The following ANKRD44 variants were observed in gnomAD, a reference collection of about 807,000 sequenced individuals.
ANKRD44 encodes the protein ankyrin repeat domain 44, also known as serine/threonine-protein phosphatase 6 regulatory ankyrin repeat subunit B.
Under a neutral mutation model 116.0 loss-of-function variants are expected in ANKRD44, and 35 were observed. That is an observed-to-expected ratio of 0.30 (90% CI 0.23 to 0.40). The LOEUF (loss-of-function observed/expected upper bound fraction) is 0.40. ANKRD44 is among the 10% of genes least tolerant of loss of function. The probability of loss-of-function intolerance (pLI) is 1.00; values close to 1 mark genes in which losing one functional copy is unlikely to be tolerated. For synonymous variants in ANKRD44, 435 were observed against 461.8 expected, an observed-to-expected ratio of 0.94 and a Z score of 0.74; for missense variants, 1,014 against 1,242.6, an observed-to-expected ratio of 0.82 and a Z score of 2.77.
At chr2:197,007,048 T>C (rs1400483997) in intron 20 of ANKRD44, among the ~76,000 whole-genome samples, 2 of 151,670 alleles carry the variant, frequency 1.3e-5, no homozygotes, top group African/African-American at 4.8e-5. Flanking sequence ...GAGGTTGCAG[T>C]GAGCTGAGAT....
intron 21 of ANKRD44, among the ~76,000 whole-genome samples, chr2:197,005,267 C>T (rs2076181943): frequency 6.6e-6 from 1 of 151,930 alleles, no homozygotes. Context: ...GAATATGAAA[C>T]ACAACAAACA....
chr2:197,234,810 A>G (rs558505569), intron 1 of ANKRD44, among the ~76,000 whole-genome samples: 1 of 152,330 alleles, frequency 6.6e-6, no homozygotes, highest in East Asian at 1.9e-4. Flanking sequence ...AGTTCTTTCC[A>G]GTATCCCCTT....
chr2:197,242,301 T>A (rs2082106238), intron 1 of ANKRD44, among the ~76,000 whole-genome samples: 1 of 152,198 alleles, frequency 6.6e-6, no homozygotes, highest in Admixed American at 6.5e-5. Flanking sequence ...TATTTTATAA[T>A]ATAATGGTAC....
At chr2:196,972,885 T>G (rs1440821323) in intron 21 of ANKRD44, among the ~76,000 whole-genome samples, 2 of 152,236 alleles carry the variant, frequency 1.3e-5, no homozygotes, top group African/African-American at 4.8e-5. Flanking sequence ...TCTTACCAGA[T>G]TTTATCATTC....
chr2:197,257,402 T>C (rs1303542577), intron 1 of ANKRD44, among the ~76,000 whole-genome samples: 1 of 151,310 alleles, frequency 6.6e-6, no homozygotes, highest in East Asian at 1.9e-4. Context: ...ATTAAAAGAA[T>C]CAACAGGCAG....
chr2:197,291,557 C>T (rs2083569892), intron 1 of ANKRD44, among the ~76,000 whole-genome samples: 1 of 152,100 alleles, frequency 6.6e-6, no homozygotes, highest in Admixed American at 6.6e-5. Flanking sequence ...CGGTAATTTA[C>T]AGGCATGAGC....
chr2:196,989,971 A>G, intron 27 of ANKRD44: 2 of 1,039,928 alleles, frequency 1.9e-6, no homozygotes, highest in Non-Finnish European at 2.3e-6. Flanking sequence ...CTGAAATGTT[A>G]TTAGATAAAT....
At chr2:196,984,522 A>G (rs1260362788), downstream of ANKRD44, among the ~76,000 whole-genome samples, 2 of 152,188 alleles carry the variant, frequency 1.3e-5, no homozygotes, top group Non-Finnish European at 2.9e-5. Flanking sequence ...TTTGCAAACT[A>G]ATTCTGGAAC....
intron 1 of ANKRD44, among the ~76,000 whole-genome samples, chr2:197,229,396 T>C (rs2081801693): frequency 6.6e-6 from 1 of 152,200 alleles, no homozygotes; most frequent in South Asian, 2.1e-4. Context: ...TGATATACTT[T>C]CATACATGTT....
intron 22 of ANKRD44, among the ~76,000 whole-genome samples, chr2:197,000,897 G>T (rs538741853): frequency 1.3e-5 from 2 of 152,308 alleles, no homozygotes; most frequent in African/African-American, 4.8e-5. Context: ...AATTAGCCAG[G>T]CGTGGTGGCG....
chr2:197,242,912 C>A (rs2082119585), intron 1 of ANKRD44, among the ~76,000 whole-genome samples: 1 of 152,204 alleles, frequency 6.6e-6, no homozygotes, highest in Non-Finnish European at 1.5e-5. Flanking sequence ...TAACCACAAC[C>A]AGATGTAAGG....
chr2:197,188,122 TG>T (rs1434846422), intron 1 of ANKRD44, among the ~76,000 whole-genome samples: 5 of 152,322 alleles, frequency 3.3e-5, no homozygotes, highest in African/African-American at 1.2e-4. Context: ...TAAAAGTAAG[TG>T]GCACGATGGC....
intron 16 of ANKRD44, among the ~76,000 whole-genome samples, chr2:197,025,617 A>AT (rs1439306089): frequency 6.6e-6 from 1 of 152,234 alleles, no homozygotes; most frequent in Non-Finnish European, 1.5e-5. Flanking sequence ...TGAAGCTTAC[A>AT]TTTTGGAAAA....
chr2:197,293,015 T>C (rs2083615184), intron 1 of ANKRD44, among the ~76,000 whole-genome samples: 1 of 152,210 alleles, frequency 6.6e-6, no homozygotes, highest in Non-Finnish European at 1.5e-5. Flanking sequence ...TGACTATACA[T>C]ATTTATCAAG....
At chr2:197,048,653 C>T (rs555725135) in intron 16 of ANKRD44, among the ~76,000 whole-genome samples, 4 of 152,288 alleles carry the variant, frequency 2.6e-5, no homozygotes, top group South Asian at 4.1e-4. Context: ...TAAACATACA[C>T]GTGCATGTGT....
At chr2:197,103,687 TGAGA>T (rs1216795198) in intron 9 of ANKRD44, among the ~76,000 whole-genome samples, 3 of 152,170 alleles carry the variant, frequency 2.0e-5, no homozygotes, top group Non-Finnish European at 4.4e-5. Context: ...TATTTCTGAT[TGAGA>T]AAGTATTTTC....
intron 18 of ANKRD44, 34 bp from the exon 19 acceptor site, chr2:197,009,065 G>C: frequency 1.3e-6 from 2 of 1,528,410 alleles, no homozygotes; most frequent in African/African-American, 2.7e-5. Flanking sequence ...TCTTTTAACA[G>C]AACAACACTA....
intron 16 of ANKRD44, among the ~76,000 whole-genome samples, chr2:197,054,681 A>T (rs931927440): frequency 6.6e-6 from 1 of 152,160 alleles, no homozygotes; most frequent in Non-Finnish European, 1.5e-5. Context: ...CTTGTTAACC[A>T]CTGGGGAATT....
chr2:197,024,839 A>G (rs942786093), intron 17 of ANKRD44, among the ~76,000 whole-genome samples: 3 of 152,218 alleles, frequency 2.0e-5, no homozygotes, highest in African/African-American at 7.2e-5. Flanking sequence ...GTATATTGTT[A>G]TCGCTAATCA....
Sources: allele counts gnomAD v4.1 joint callset (sites outside exome capture counted in the v4.1 genomes callset), GRCh38; gene constraint gnomAD v4.1.1; transcripts MANE v1.5; gene names NCBI Gene and HGNC (gene_info 2026-07-23, HGNC 2026-07-21).